GAN: variants seen among roughly 807,000 people sequenced by gnomAD.
The protein encoded by GAN is gigaxonin.
In GAN, 48 loss-of-function variants were observed where a neutral mutation model predicts 71.3. That is an observed-to-expected ratio of 0.67 (90% CI 0.53 to 0.86). GAN has a LOEUF of 0.86. GAN is among the 40% of genes least tolerant of loss of function. The pLI is 0.00. For missense variants in GAN, 928 were observed against 770.1 expected (o/e 1.21, Z -2.43); for synonymous variants, 386 against 276.8 (o/e 1.39, Z -3.92).
At chr16:81,335,225 C>G (rs1342071215) in intron 1 of GAN, among the ~76,000 whole-genome samples, 1 of 151,978 alleles carries the variant, frequency 6.6e-6, no homozygotes, top group Non-Finnish European at 1.5e-5. Flanking sequence ...TATGCTTGAA[C>G]TGGATTTAAT....
intron 6 of GAN, among the ~76,000 whole-genome samples, chr16:81,363,141 G>C (rs1910734570): frequency 6.6e-6 from 1 of 152,208 alleles, no homozygotes; most frequent in African/African-American, 2.4e-5. Flanking sequence ...ATCCCAAATA[G>C]CCTTGGCCTG....
intron 9 of GAN, among the ~76,000 whole-genome samples, chr16:81,376,707 T>TACACAC (rs111299239): frequency 2.0e-5 from 3 of 149,676 alleles, no homozygotes; most frequent in African/African-American, 4.9e-5. Flanking sequence ...TGCACACGCA[T>TACACAC]ACACACACAC....
In GAN at chr16:81,380,555, A is replaced by C. The variant is rs1278326514; in HGVS notation, c.*2959A>C. 1.3e-5 allele frequency: 2 copies of C among 152,158 alleles called. No individual in the cohort carries two copies. The highest frequency in any genetic ancestry group is 4.8e-5 in the African/African-American group (2 of 41,438). The allele number at this position is 152,158 out of a possible 1,614,324, so 9.4% of individuals were successfully genotyped here. On this transcript the variant is annotated 3_prime_UTR_variant, in exon 11 of 11. Transcript: ENST00000648994. ...GTGAATAGAAAAAGTGTGAGAGATG[A>C]ATGAGTGAGTTGTACGTGTGTGTGT...
chr16:81,320,232 A>G (rs140112017), intron 1 of GAN, among the ~76,000 whole-genome samples: 23 of 152,368 alleles, frequency 1.5e-4, no homozygotes, highest in African/African-American at 5.3e-4. Flanking sequence ...TCCAAGTTTC[A>G]TAGTAACATA....
intron 1 of GAN, among the ~76,000 whole-genome samples, chr16:81,341,904 A>T (rs746823406): frequency 6.6e-6 from 1 of 152,228 alleles, no homozygotes; most frequent in Non-Finnish European, 1.5e-5. Flanking sequence ...ACATGCAAAG[A>T]CACACATAGG....
chr16:81,319,318 G>C (rs530675522), intron 1 of GAN, among the ~76,000 whole-genome samples: 39 of 151,546 alleles, frequency 2.6e-4, no homozygotes, highest in African/African-American at 8.7e-4. Flanking sequence ...ACCTTCTGGG[G>C]AAAGCTCCCT....
chr16:81,349,125 G>A (rs192140635), intron 1 of GAN, among the ~76,000 whole-genome samples: 3 of 152,176 alleles, frequency 2.0e-5, no homozygotes, highest in African/African-American at 2.4e-5. Flanking sequence ...AGGAGAATCC[G>A]GAAATTCAAC....
At chr16:81,356,721 A>C in intron 3 of GAN, 64 bp from the exon 4 acceptor site, 1 of 1,122,772 alleles carries the variant, frequency 8.9e-7, no homozygotes, top group Non-Finnish European at 1.4e-6. Flanking sequence ...GAAAATGTAG[A>C]TTCTAAAAAT....
chr16:81,376,466 T>TGC (rs1491366148), intron 9 of GAN, among the ~76,000 whole-genome samples: 2 of 6,686 alleles, frequency 3.0e-4, no homozygotes, highest in East Asian at 0.013. Flanking sequence ...TACATACATA[T>TGC]GTGTGTGTGT....
rs1435552304 is a variant in GAN at position 81,384,820 on chromosome 16, T to A, written c.*7224T>A. 1 of 152,240 alleles carries A rather than the reference T, an allele frequency of 6.6e-6. No individual in the cohort carries two copies. Among genetic ancestry groups the A allele is most frequent in the Non-Finnish European group, 1.5e-5 (1 of 68,014 alleles). The allele number at this position is 152,240 out of a possible 1,614,324, so 9.4% of individuals were successfully genotyped here. On this transcript the variant is annotated 3_prime_UTR_variant, in exon 11 of 11. Coordinates refer to ENST00000648994, the MANE Select transcript of GAN (RefSeq NM_022041.4). ...TGCACTCCACACGTGGTCGCCTCCA[T>A]CCTCCCTAGTGTCTGTCAGCTTGCC...
intron 1 of GAN, among the ~76,000 whole-genome samples, chr16:81,351,162 G>T (rs937754837): frequency 2.0e-5 from 3 of 152,332 alleles, no homozygotes; most frequent in African/African-American, 7.2e-5. Context: ...GATTGGTGGG[G>T]AAGACCATCT....
At chr16:81,374,190 T>G (rs140917040) in intron 9 of GAN, among the ~76,000 whole-genome samples, 1 of 152,314 alleles carries the variant, frequency 6.6e-6, no homozygotes, top group African/African-American at 2.4e-5. Context: ...ACCACAGAAG[T>G]CATATTACAC....
chr16:81,347,636 C>T (rs941800418), intron 1 of GAN, among the ~76,000 whole-genome samples: 10 of 152,174 alleles, frequency 6.6e-5, no homozygotes, highest in Non-Finnish European at 1.3e-4. Context: ...TTGTTCCCCC[C>T]TGCCACTTGA....
At position 81,315,138 on chromosome 16, in the gene GAN, G is replaced by A. The variant is rs1908985101; in HGVS notation, c.25G>A (p.Asp9Asn). 6.5e-7 allele frequency: 1 copy of A among 1,532,262 alleles called. No homozygotes were observed. Among genetic ancestry groups the A allele is most frequent in the Non-Finnish European group, 8.8e-7 (1 of 1,141,030 alleles). 94.9% of individuals were successfully genotyped at this position (1,532,262 alleles called of 1,614,324 possible). Residue 9 changes from aspartate (D) to asparagine (N), a missense_variant, in exon 1 of 11, where the codon GAC (aspartate) becomes AAC (asparagine). Coordinates refer to ENST00000648994, the MANE Select transcript of GAN (RefSeq NM_022041.4). MAEGSAVS[D>N]PQHAARLLRA... Reference sequence around the variant, plus strand: ...GATGGCTGAGGGCAGTGCCGTGTCTGACCCTCAGCACGCCGCGCGTCTGCT... The same window carrying A: ...GATGGCTGAGGGCAGTGCCGTGTCTAACCCTCAGCACGCCGCGCGTCTGCT...
intron 1 of GAN, among the ~76,000 whole-genome samples, chr16:81,325,925 T>G (rs965363632): frequency 4.6e-5 from 7 of 152,236 alleles, no homozygotes; most frequent in African/African-American, 1.7e-4. Flanking sequence ...TCTGCATGTG[T>G]TTCTTGTCTC....
rs567827804 is a variant in GAN, at chr16:81,358,161, G to A, written c.973+230G>A. ...GCTGCTTTTAAGAACTACTGGAGAA[G>A]CAGTTACTTGATGACTTAATGTCAG... On this transcript the variant is annotated intron_variant, in intron 5 of 10. Transcript: ENST00000648994. Among the ~76,000 whole-genome samples, 10 of 152,308 alleles carry A rather than the reference G, an allele frequency of 6.6e-5. No individual in the cohort carries two copies. The South Asian group carries it at 2.1e-3, about 32-fold the overall frequency.
At chr16:81,360,042 GAT>G (rs1910621404) in intron 5 of GAN, among the ~76,000 whole-genome samples, 1 of 138,020 alleles carries the variant, frequency 7.2e-6, no homozygotes, top group African/African-American at 2.7e-5. Flanking sequence ...TGGATGGATG[GAT>G]GGATGGATGG....
chr16:81,363,982 A>G (rs1270338994), intron 7 of GAN, 39 bp downstream of exon 7: 6 of 1,516,070 alleles, frequency 4.0e-6, no homozygotes, highest in East Asian at 2.2e-5. Context: ...CTGTGTACAC[A>G]TTGGATTTTA....
intron 9 of GAN, among the ~76,000 whole-genome samples, chr16:81,375,304 G>A (rs1322862233): frequency 8.5e-5 from 12 of 140,552 alleles, no homozygotes; most frequent in Non-Finnish European, 1.7e-4. Context: ...TTTAGAGACA[G>A]TCTTGCTACG....
Sources: gnomAD v4.1 joint callset for allele counts (sites outside exome capture counted in the v4.1 genomes callset) on GRCh38, gnomAD v4.1.1 for gene constraint, MANE v1.5 for transcripts, NCBI Gene and HGNC (gene_info 2026-07-23, HGNC 2026-07-21) for gene names.